DLGAP1: variants seen among roughly 807,000 people sequenced by gnomAD.
DLGAP1 encodes disks large-associated protein 1.
Under a neutral mutation model 90.8 loss-of-function variants are expected in DLGAP1, and 11 were observed. The ratio of observed to expected loss-of-function variants is 0.12; its 90% CI spans 0.08 to 0.20. DLGAP1 has a LOEUF of 0.20. DLGAP1 is among the 10% of genes least tolerant of loss of function. The pLI, the probability that DLGAP1 is intolerant of heterozygous loss-of-function variation, is 1.00. For synonymous variants in DLGAP1, 558 were observed against 540.7 expected (o/e 1.03, Z -0.44); for missense variants, 1,050 against 1,333.8 (o/e 0.79, Z 3.31).
intron 4 of DLGAP1, among the ~76,000 whole-genome samples, chr18:3,875,824 G>A (rs980529450): frequency 2.0e-5 from 3 of 151,954 alleles, no homozygotes; most frequent in African/African-American, 4.8e-5. Context: ...TGGACCAAGC[G>A]CCTCATTTTC....
chr18:4,098,954 G>A (rs2075728645), intron 2 of DLGAP1, among the ~76,000 whole-genome samples: 1 of 152,142 alleles, frequency 6.6e-6, no homozygotes, highest in African/African-American at 2.4e-5. Context: ...TACAAGCACT[G>A]GGTTTGTTAT....
intron 1 of DLGAP1, among the ~76,000 whole-genome samples, chr18:4,321,028 C>A (rs2080674315): frequency 6.6e-6 from 1 of 152,144 alleles, no homozygotes. Context: ...ACTTCGTCAT[C>A]ATTTATAAAA....
At chr18:3,758,864 T>G (rs757036481) in intron 5 of DLGAP1, among the ~76,000 whole-genome samples, 1 of 152,164 alleles carries the variant, frequency 6.6e-6, no homozygotes, top group African/African-American at 2.4e-5. Flanking sequence ...AAATTTTACG[T>G]TTTTTGCAAC....
At chr18:3,648,808 A>T (rs912117769) in intron 7 of DLGAP1, among the ~76,000 whole-genome samples, 2 of 152,244 alleles carry the variant, frequency 1.3e-5, no homozygotes, top group African/African-American at 2.4e-5. Context: ...AAAAGAAAAG[A>T]GGGAAAATAA....
Position 3,690,081 on chromosome 18 carries a change from C to T in DLGAP1, c.1591+39054G>A, listed in dbSNP as rs569262716. Among the ~76,000 whole-genome samples, 36 of 142,516 alleles carry T rather than the reference C, an allele frequency of 2.5e-4. No individual in the cohort carries two copies. The Middle Eastern group carries it at 0.011, about 43-fold the overall frequency. 93.5% of individuals were successfully genotyped at this position (142,516 alleles called of 152,430 possible). On this transcript the variant is annotated intron_variant, in intron 7 of 12. Transcript: ENST00000315677. ...CTTCAGGATTATTAACAGTACCCTG[C>T]GGGCTGGGTGAGGTTTTTTTTTTTT...
chr18:4,072,947 T>G (rs1809696348), intron 2 of DLGAP1, among the ~76,000 whole-genome samples: 1 of 152,000 alleles, frequency 6.6e-6, no homozygotes, highest in Non-Finnish European at 1.5e-5. Flanking sequence ...AATGTTGGAG[T>G]AAGAACGTGG....
chr18:4,092,366 G>A (rs1319564175), intron 2 of DLGAP1, among the ~76,000 whole-genome samples: 1 of 152,134 alleles, frequency 6.6e-6, no homozygotes, highest in Non-Finnish European at 1.5e-5. Flanking sequence ...GGGAGGCCCT[G>A]TGTGTCTGGA....
At chr18:3,965,713 C>T (rs1485567506) in intron 3 of DLGAP1, among the ~76,000 whole-genome samples, 1 of 151,826 alleles carries the variant, frequency 6.6e-6, no homozygotes, top group African/African-American at 2.4e-5. Flanking sequence ...TTTGGGAGGC[C>T]GAGGTGGGCT....
chr18:3,772,478 T>G (rs992742803), intron 5 of DLGAP1, among the ~76,000 whole-genome samples: 1 of 138,440 alleles, frequency 7.2e-6, no homozygotes, highest in South Asian at 2.5e-4. Context: ...CTTTCTTTCT[T>G]TCTTCTGTCC....
Position 3,694,945 on chromosome 18 carries a change from T to G in DLGAP1, c.1591+34190A>C, listed in dbSNP as rs1401277682. 4.4e-4 allele frequency among the ~76,000 whole-genome samples: 62 copies of G among 141,214 alleles called. 3 individuals are homozygous for G. Among genetic ancestry groups the G allele is most frequent in the Non-Finnish European group, 9.1e-5 (6 of 65,740 alleles). The allele number at this position is 141,214 out of a possible 152,430, so 92.6% of individuals were successfully genotyped here. ...TGCTTTTGGTGTTTTTTTTGTTTTT[T>G]TTTTTTTTTTTTGAGACAGAGTCTT... is the stretch of plus-strand genomic sequence containing the variant. On this transcript the variant is annotated intron_variant, in intron 7 of 12. Coordinates refer to ENST00000315677, the MANE Select transcript of DLGAP1 (RefSeq NM_004746.4).
intron 1 of DLGAP1, among the ~76,000 whole-genome samples, chr18:4,305,648 G>GT (rs2080233531): frequency 6.6e-6 from 1 of 151,708 alleles, no homozygotes; most frequent in South Asian, 2.1e-4. Flanking sequence ...AATTTTCTAA[G>GT]TAAAGTACTA....
chr18:3,786,911 A>T (rs985328777), intron 5 of DLGAP1, among the ~76,000 whole-genome samples: 1 of 152,208 alleles, frequency 6.6e-6, no homozygotes, highest in African/African-American at 2.4e-5. Flanking sequence ...ATGTGCTTCA[A>T]TGAGGAACCA....
intron 2 of DLGAP1, among the ~76,000 whole-genome samples, chr18:4,123,149 C>T (rs772246847): frequency 2.0e-5 from 3 of 152,040 alleles, no homozygotes; most frequent in Non-Finnish European, 2.9e-5. Flanking sequence ...TGGGCATCAA[C>T]GGACAAGATG....
At chr18:4,138,865 A>T (rs935350503) in intron 2 of DLGAP1, among the ~76,000 whole-genome samples, 2 of 152,060 alleles carry the variant, frequency 1.3e-5, no homozygotes, top group Admixed American at 1.3e-4. Context: ...GTTCAATATT[A>T]GTAGGTTGTA....
intron 2 of DLGAP1, among the ~76,000 whole-genome samples, chr18:4,007,739 A>G (rs975977033): frequency 1.3e-5 from 2 of 152,034 alleles, no homozygotes; most frequent in African/African-American, 4.8e-5. Context: ...AAAAGGGAAA[A>G]TGTGTGTGTG....
chr18:3,516,836 C>T (rs1599017000), intron 10 of DLGAP1, among the ~76,000 whole-genome samples: 1 of 152,160 alleles, frequency 6.6e-6, no homozygotes, highest in African/African-American at 2.4e-5. Flanking sequence ...AGGTCCCTCC[C>T]ACAACATATG....
intron 4 of DLGAP1, among the ~76,000 whole-genome samples, chr18:3,860,224 T>C (rs1245706105): frequency 6.6e-6 from 1 of 152,214 alleles, no homozygotes; most frequent in Non-Finnish European, 1.5e-5. Flanking sequence ...CCCTGATAAG[T>C]GAAACTGTAA....
intron 2 of DLGAP1, among the ~76,000 whole-genome samples, chr18:4,121,097 T>C (rs1275906836): frequency 1.3e-5 from 2 of 151,580 alleles, no homozygotes; most frequent in Non-Finnish European, 2.9e-5. Context: ...AGAGTGGGGG[T>C]GCAAGTTGGG....
intron 3 of DLGAP1, among the ~76,000 whole-genome samples, chr18:3,960,512 T>C (rs576430811): frequency 1.3e-5 from 2 of 152,060 alleles, no homozygotes; most frequent in East Asian, 1.9e-4. Context: ...GCTGCGGCTA[T>C]GATTGTGCCA....
Sources: gnomAD v4.1 joint callset for allele counts (sites outside exome capture counted in the v4.1 genomes callset) on GRCh38, gnomAD v4.1.1 for gene constraint, MANE v1.5 for transcripts, NCBI Gene and HGNC (gene_info 2026-07-23, HGNC 2026-07-21) for gene names.